FHIT: variants seen among roughly 807,000 people sequenced by gnomAD.
The protein encoded by FHIT is fragile histidine triad diadenosine triphosphatase.
In FHIT, 19 loss-of-function variants were observed where a neutral mutation model predicts 17.9. The observed-to-expected ratio is 1.06, with a 90% confidence interval of 0.74 to 1.56. The LOEUF is 1.56. Among genes scored for constraint, FHIT ranks in the 40% most tolerant of loss-of-function variants. The pLI is 0.00. For missense variants in FHIT, 248 were observed against 189.2 expected, an observed-to-expected ratio of 1.31 and a Z score of -1.82; for synonymous variants, 81 against 69.7, an observed-to-expected ratio of 1.16 and a Z score of -0.81.
At chr3:60,157,194 T>C (rs926693901) in intron 5 of FHIT, among the ~76,000 whole-genome samples, 3 of 152,068 alleles carry the variant, frequency 2.0e-5, no homozygotes, top group African/African-American at 4.8e-5. Flanking sequence ...GTTGCTAGAG[T>C]AATGGATTGA....
At chr3:60,398,895 A>C (rs55798042) in intron 5 of FHIT, among the ~76,000 whole-genome samples, 147,117 of 152,130 alleles carry the variant, frequency 0.97, 71,337 homozygotes, top group East Asian at 1. Context: ...TAATAAAAAA[A>C]ATTTATGTAT....
intron 5 of FHIT, among the ~76,000 whole-genome samples, chr3:60,434,684 G>A (rs409484): frequency 0.33 from 50,763 of 151,988 alleles, 11,007 homozygotes; most frequent in Non-Finnish European, 0.47. Flanking sequence ...TAGTGTTACC[G>A]TAGATAAATG....
At chr3:60,063,839 T>C (rs11925432) in intron 5 of FHIT, among the ~76,000 whole-genome samples, 9,528 of 152,282 alleles carry the variant, frequency 0.063, 336 homozygotes, top group South Asian at 0.093. Flanking sequence ...AAAACCCATA[T>C]ACCATCCATT....
chr3:60,968,598 AGACAG>A (rs1709859345), intron 3 of FHIT, among the ~76,000 whole-genome samples: 1 of 152,092 alleles, frequency 6.6e-6, no homozygotes, highest in Non-Finnish European at 1.5e-5. Flanking sequence ...TTTTTATTAG[AGACAG>A]GATTTCACCA....
chr3:60,441,783 A>AATATATAT (rs71092605), intron 5 of FHIT, among the ~76,000 whole-genome samples: 1 of 23,946 alleles, frequency 4.2e-5, no homozygotes, highest in African/African-American at 7.4e-5. Context: ...TATGTATAAA[A>AATATATAT]ATATATATAT....
At chr3:60,251,122 G>C (rs1390456519) in intron 5 of FHIT, among the ~76,000 whole-genome samples, 2 of 152,148 alleles carry the variant, frequency 1.3e-5, no homozygotes, top group African/African-American at 4.8e-5. Flanking sequence ...TGCAATCGAG[G>C]GGAAAGAGCT....
At chr3:60,509,576 C>T (rs1463391037) in intron 5 of FHIT, among the ~76,000 whole-genome samples, 2 of 151,604 alleles carry the variant, frequency 1.3e-5, no homozygotes, top group Admixed American at 1.3e-4. Context: ...TTGCCTTAGC[C>T]TACCACTTAG....
At chr3:60,383,819 C>T (rs1033011563) in intron 5 of FHIT, among the ~76,000 whole-genome samples, 17 of 152,182 alleles carry the variant, frequency 1.1e-4, no homozygotes, top group Non-Finnish European at 2.4e-4. Flanking sequence ...CTCTAAACAA[C>T]AGCAAAATTT....
At chr3:60,265,953 C>T (rs1706553562) in intron 5 of FHIT, among the ~76,000 whole-genome samples, 1 of 151,832 alleles carries the variant, frequency 6.6e-6, no homozygotes, top group African/African-American at 2.4e-5. Flanking sequence ...ACCCTTACAT[C>T]TTGCAGGTGA....
intron 5 of FHIT, among the ~76,000 whole-genome samples, chr3:60,521,392 C>T (rs2446705): frequency 0.92 from 139,301 of 151,874 alleles, 64,401 homozygotes; most frequent in Non-Finnish European, 0.98. Context: ...GGACTACAGG[C>T]GCCCGCCACC....
chr3:60,714,205 C>G (rs1332590191), intron 4 of FHIT, among the ~76,000 whole-genome samples: 3 of 152,128 alleles, frequency 2.0e-5, no homozygotes, highest in Admixed American at 2.0e-4. Flanking sequence ...TCAATAGATG[C>G]AGAAAAGGCC....
chr3:60,649,571 A>G (rs2107804573), intron 4 of FHIT, among the ~76,000 whole-genome samples: 1 of 152,304 alleles, frequency 6.6e-6, no homozygotes, highest in East Asian at 1.9e-4. Flanking sequence ...ATAAAATTCT[A>G]TGGACATGAT....
At chr3:59,908,853 T>TTTTTTTTTTTTTTTTTTTTTTG (rs1271629999) in intron 8 of FHIT, among the ~76,000 whole-genome samples, 26 of 150,822 alleles carry the variant, frequency 1.7e-4, no homozygotes, top group African/African-American at 6.1e-4. Context: ...CATTTTTTAA[T>TTTTTTTTTTTTTTTTTTTTTTG]AGTCCAACTG....
chr3:60,406,250 G>A (rs1282516070), intron 5 of FHIT, among the ~76,000 whole-genome samples: 2 of 152,050 alleles, frequency 1.3e-5, no homozygotes, highest in Non-Finnish European at 2.9e-5. Flanking sequence ...TGTTTATCAG[G>A]GCACAATACT....
intron 2 of FHIT, among the ~76,000 whole-genome samples, chr3:61,135,272 T>C (rs2036882623): frequency 6.6e-6 from 1 of 152,192 alleles, no homozygotes; most frequent in African/African-American, 2.4e-5. Flanking sequence ...GGCCTCTGCA[T>C]AAAAATATGA....
chr3:60,110,210 A>T (rs1360334669), intron 5 of FHIT, among the ~76,000 whole-genome samples: 4 of 152,162 alleles, frequency 2.6e-5, no homozygotes, highest in Non-Finnish European at 4.4e-5. Context: ...AATAATTTGG[A>T]ATTTTTGGGT....
intron 4 of FHIT, chr3:60,690,439 C>T: frequency 1.7e-6 from 1 of 579,772 alleles, no homozygotes; most frequent in Admixed American, 1.9e-5. Context: ...GATGCCAGGA[C>T]CTGTATGCTT....
intron 2 of FHIT, among the ~76,000 whole-genome samples, chr3:61,156,969 T>G (rs1576120752): frequency 6.6e-6 from 1 of 152,184 alleles, no homozygotes; most frequent in Non-Finnish European, 1.5e-5. Flanking sequence ...ACCACTGTTT[T>G]GGGTCACTCA....
chr3:60,325,230 T>C (rs1709634946), intron 5 of FHIT, among the ~76,000 whole-genome samples: 1 of 152,226 alleles, frequency 6.6e-6, no homozygotes, highest in Admixed American at 6.5e-5. Context: ...TTTTATTGCG[T>C]TCTGTTAACT....
Sources: allele counts gnomAD v4.1 joint callset (sites outside exome capture counted in the v4.1 genomes callset), GRCh38; gene constraint gnomAD v4.1.1; transcripts MANE v1.5; gene names NCBI Gene and HGNC (gene_info 2026-07-23, HGNC 2026-07-21).